Variants in CRACDL observed in about 807,000 individuals in gnomAD.
CRACDL encodes the protein CRACD like.
Under a neutral mutation model 70.6 loss-of-function variants are expected in CRACDL, and 26 were observed. That is an observed-to-expected ratio of 0.37 (90% CI 0.27 to 0.51). The LOEUF (loss-of-function observed/expected upper bound fraction) is 0.51. CRACDL is among the 20% of genes least tolerant of loss of function. The pLI is 0.94. For missense variants in CRACDL, 1,283 were observed against 1,376.9 expected (o/e 0.93, Z 1.08); for synonymous variants, 618 against 615.2 (o/e 1.00, Z -0.07).
intron 1 of CRACDL, among the ~76,000 whole-genome samples, chr2:98,887,185 A>G (rs1707820722): frequency 6.6e-6 from 1 of 152,214 alleles, no homozygotes; most frequent in Non-Finnish European, 1.5e-5. Flanking sequence ...GGCATCGAAA[A>G]AAATAACAAT....
chr2:98,861,538 C>T (rs772488455), intron 1 of CRACDL, among the ~76,000 whole-genome samples: 6 of 152,266 alleles, frequency 3.9e-5, no homozygotes, highest in South Asian at 2.1e-4. Flanking sequence ...AAATGTGAAA[C>T]GTAAAATTAC....
intron 1 of CRACDL, among the ~76,000 whole-genome samples, chr2:98,863,510 A>G (rs986458691): frequency 2.6e-5 from 4 of 152,218 alleles, no homozygotes; most frequent in Admixed American, 1.3e-4. Context: ...AGCTACTCTT[A>G]TTGTAAAAAT....
chr2:98,920,698 C>T (rs1404310555), intron 1 of CRACDL, among the ~76,000 whole-genome samples: 6 of 152,192 alleles, frequency 3.9e-5, no homozygotes, highest in Non-Finnish European at 5.9e-5. Context: ...CACTCCAACG[C>T]TACCTCCCCA....
At chr2:98,800,547 G>C (rs528522771) in intron 7 of CRACDL, among the ~76,000 whole-genome samples, 1 of 152,218 alleles carries the variant, frequency 6.6e-6, no homozygotes, top group Non-Finnish European at 1.5e-5. Flanking sequence ...GAGGTGACAA[G>C]GGCTTGGATA....
intron 1 of CRACDL, among the ~76,000 whole-genome samples, chr2:98,858,017 T>C (rs1706776000): frequency 6.6e-6 from 1 of 152,160 alleles, no homozygotes; most frequent in South Asian, 2.1e-4. Flanking sequence ...ACAGAAAGAA[T>C]TTTGGGAAGT....
At position 98,795,077 on chromosome 2, in the gene CRACDL, A is replaced by ATTTTTTTTT. The variant is rs1181969802; in HGVS notation, c.2750-415_2750-407dup. 4.3e-3 allele frequency among the ~76,000 whole-genome samples: 253 copies of ATTTTTTTTT among 58,362 alleles called. 26 individuals carry two copies. In the East Asian group the frequency reaches 0.044, roughly 10 times the overall value. 38.3% of individuals were successfully genotyped at this position (58,362 alleles called of 152,430 possible). A position where few individuals can be genotyped will look rare whatever the true frequency, so the allele number is the denominator to read the frequency against. ...TATATATATATATATATATATATAT[A>ATTTTTTTTT]TTTTTTTTTTTTTTTGAGACAGAAG... On this transcript the variant is annotated intron_variant, in intron 9 of 9. Coordinates refer to ENST00000397899, the MANE Select transcript of CRACDL (RefSeq NM_207362.3).
chr2:98,858,512 CAAAAAAAAAAA>C (rs370742460), intron 1 of CRACDL, among the ~76,000 whole-genome samples: 2,674 of 56,278 alleles, frequency 0.048, 108 homozygotes, highest in African/African-American at 0.14. Flanking sequence ...GAGACTCTGT[CAAAAAAAAAAA>C]AAAAAAAAAG....
chr2:98,870,962 A>G (rs1020649111), intron 1 of CRACDL, among the ~76,000 whole-genome samples: 1 of 152,230 alleles, frequency 6.6e-6, no homozygotes, highest in Non-Finnish European at 1.5e-5. Context: ...ACATCGTGTG[A>G]ATGCCCAGGG....
chr2:98,841,451 C>T (rs1706022911), intron 2 of CRACDL, among the ~76,000 whole-genome samples: 1 of 152,120 alleles, frequency 6.6e-6, no homozygotes. Flanking sequence ...CAGGTCAATA[C>T]AAGGACCTTC....
At chr2:98,796,301 A>C (rs374897487) in intron 8 of CRACDL, 37 bp from the exon 9 acceptor site, 1 of 1,600,822 alleles carries the variant, frequency 6.2e-7, no homozygotes, top group South Asian at 1.1e-5. Context: ...CAAGTTAACA[A>C]TGATTCAGAC....
rs770162187 is a variant in CRACDL at position 98,821,873 on chromosome 2, C to A, written c.2400G>T (p.Pro800=). The A allele has an allele frequency of 6.2e-7, 1 of 1,606,902 alleles. No homozygotes were observed. The highest frequency in any genetic ancestry group is 1.3e-5 in the African/African-American group (1 of 74,298). Residue 800 remains proline (P), a synonymous_variant, in exon 7 of 10, where the codon CCG becomes CCT. Coordinates refer to ENST00000397899, the MANE Select transcript of CRACDL (RefSeq NM_207362.3). ...RKEPRTAEKR[P]LRRGAEKSLP... ...GGCTCTTACCAGCTCCCCTGCGCAG[C>A]GGCCTTTTCTCCGCCGTCCTGGGCT...
intron 1 of CRACDL, among the ~76,000 whole-genome samples, chr2:98,910,345 C>A (rs557177273): frequency 4.6e-5 from 7 of 152,052 alleles, no homozygotes; most frequent in Non-Finnish European, 8.8e-5. Flanking sequence ...CGTGGTGAAA[C>A]CCCGTCTCTA....
At chr2:98,921,325 A>C (rs962977079) in intron 1 of CRACDL, among the ~76,000 whole-genome samples, 1 of 152,228 alleles carries the variant, frequency 6.6e-6, no homozygotes, top group Non-Finnish European at 1.5e-5. Context: ...TACTGGGCCA[A>C]TCTGCGTCCC....
At chr2:98,933,942 T>C (rs1709145555) in intron 1 of CRACDL, among the ~76,000 whole-genome samples, 1 of 152,066 alleles carries the variant, frequency 6.6e-6, no homozygotes, top group Non-Finnish European at 1.5e-5. Context: ...GGGGGCCCAT[T>C]CCTCATAGAA....
At position 98,822,913 on chromosome 2, in the gene CRACDL, G is replaced by C; in HGVS notation, c.1360C>G (p.Pro454Ala). ...CTCTCGGGCTCAGGCGCCGGCCCTG[G>C]GGGCCCCTTCTCCTCATCCGGGAGC... The part of the protein sequence containing the change: ...PVLPDEEKGP[P>A]GPAPEPEREA... Residue 454 changes from proline (P) to alanine (A), a missense_variant, in exon 7 of 10, where the codon CCA (proline) becomes GCA (alanine). Pro to Ala is a conservative substitution (Grantham distance 27, BLOSUM62 -1). Transcript: ENST00000397899. The surrounding 1 kb of genome is among the most constrained non-coding windows in gnomAD (Gnocchi z 4.9). 6.8e-7 allele frequency: 1 copy of C among 1,473,780 alleles called. No individual in the cohort carries two copies. Among genetic ancestry groups the C allele is most frequent in the Non-Finnish European group, 8.9e-7 (1 of 1,122,524 alleles). 91.3% of individuals were successfully genotyped at this position (1,473,780 alleles called of 1,614,324 possible).
At chr2:98,798,260 G>T (rs1394576003) in intron 7 of CRACDL, among the ~76,000 whole-genome samples, 1 of 151,912 alleles carries the variant, frequency 6.6e-6, no homozygotes, top group African/African-American at 2.4e-5. Flanking sequence ...CAGGACAATC[G>T]CTTGAACTTG....
rs78386283 is a variant in CRACDL at position 98,921,277 on chromosome 2, C to G, written c.-11+14661G>C. ...TCCCACCCAGCCCTCCTGAGTCAGT[C>G]TGGCAGGGCGCGGCAGGGCAGCCAC... On this transcript the variant is annotated intron_variant, in intron 1 of 9. Transcript: ENST00000397899. Among the ~76,000 whole-genome samples the G allele has an allele frequency of 2.9e-3, 437 of 152,316 alleles. 2 individuals are homozygous for G. The highest frequency in any genetic ancestry group is 9.8e-3 in the African/African-American group (408 of 41,580).
chr2:98,867,401 C>T (rs1176209130), intron 1 of CRACDL, among the ~76,000 whole-genome samples: 1 of 152,146 alleles, frequency 6.6e-6, no homozygotes, highest in African/African-American at 2.4e-5. Flanking sequence ...TGCACGAACA[C>T]CCCTGAATAC....
At chr2:98,803,437 C>G (rs1704164961) in intron 7 of CRACDL, among the ~76,000 whole-genome samples, 1 of 152,200 alleles carries the variant, frequency 6.6e-6, no homozygotes, top group African/African-American at 2.4e-5. Flanking sequence ...TGCACCCGGC[C>G]TGATGCAGCA....
Sources: gnomAD v4.1 joint callset for allele counts (sites outside exome capture counted in the v4.1 genomes callset) on GRCh38, gnomAD v4.1.1 for gene constraint, Gnocchi (gnomAD v3.1) non-coding constraint, MANE v1.5 for transcripts, NCBI Gene and HGNC (gene_info 2026-07-23, HGNC 2026-07-21) for gene names.